The following TNIK variants were observed in gnomAD, a reference collection of about 807,000 sequenced individuals.
TNIK encodes TRAF2 and NCK-interacting protein kinase.
A neutral mutation model predicts 191.3 loss-of-function variants in TNIK; 49 were observed. The ratio of observed to expected loss-of-function variants is 0.26; its 90% confidence interval spans 0.20 to 0.32. TNIK has a LOEUF of 0.32. TNIK is among the 10% of genes least tolerant of loss of function. The pLI, the probability that TNIK is intolerant of heterozygous loss-of-function variation, is 1.00. For missense variants in TNIK, 1,155 were observed against 1,702.3 expected (o/e 0.68, Z 5.66); for synonymous variants, 594 against 600.9 (o/e 0.99, Z 0.17).
intron 1 of TNIK, among the ~76,000 whole-genome samples, chr3:171,376,886 T>C (rs1223257035): frequency 6.6e-6 from 1 of 152,182 alleles, no homozygotes; most frequent in Non-Finnish European, 1.5e-5. Context: ...TGCAAACCTA[T>C]CACAGGACTG....
intron 2 of TNIK, among the ~76,000 whole-genome samples, chr3:171,260,354 A>G (rs1560335182): frequency 6.6e-6 from 1 of 152,192 alleles, no homozygotes; most frequent in Non-Finnish European, 1.5e-5. Flanking sequence ...GACCTTGAAT[A>G]AAGTCTGCCT....
chr3:171,119,913 G>A (rs189206572), intron 18 of TNIK, among the ~76,000 whole-genome samples: 8 of 152,202 alleles, frequency 5.3e-5, no homozygotes, highest in African/African-American at 1.2e-4. Context: ...AAACCTGCAC[G>A]TTGTGCACAT....
intron 2 of TNIK, among the ~76,000 whole-genome samples, chr3:171,333,976 T>G (rs1756690961): frequency 1.3e-5 from 2 of 152,176 alleles, no homozygotes; most frequent in Admixed American, 1.3e-4. Flanking sequence ...AGAGCAAGTC[T>G]TCAAGTACCA....
At chr3:171,306,888 C>T (rs1753509978) in intron 2 of TNIK, among the ~76,000 whole-genome samples, 1 of 152,002 alleles carries the variant, frequency 6.6e-6, no homozygotes, top group South Asian at 2.1e-4. Flanking sequence ...GTTCTGCTGC[C>T]GTGGTGATGG....
intron 12 of TNIK, among the ~76,000 whole-genome samples, chr3:171,142,874 G>A (rs959222953): frequency 1.1e-4 from 16 of 152,126 alleles, no homozygotes; most frequent in African/African-American, 3.4e-4. Context: ...CCAACCATCC[G>A]TCTCTTTCTT....
At chr3:171,423,645 A>G (rs1724120750) in intron 1 of TNIK, among the ~76,000 whole-genome samples, 1 of 152,188 alleles carries the variant, frequency 6.6e-6, no homozygotes, top group African/African-American at 2.4e-5. Context: ...ATACAGACCA[A>G]TGGAACAGAA....
intron 5 of TNIK, among the ~76,000 whole-genome samples, chr3:171,193,652 C>T (rs1284174024): frequency 6.6e-6 from 1 of 152,156 alleles, no homozygotes; most frequent in Admixed American, 6.6e-5. Context: ...TCCATCCACC[C>T]AAAGCATACA....
chr3:171,089,049 G>T (rs991359426), intron 23 of TNIK, among the ~76,000 whole-genome samples: 1 of 152,172 alleles, frequency 6.6e-6, no homozygotes, highest in Non-Finnish European at 1.5e-5. Flanking sequence ...GTGAAAGGAG[G>T]CACTTCTTTT....
intron 2 of TNIK, among the ~76,000 whole-genome samples, chr3:171,312,191 A>G (rs1754114439): frequency 6.6e-6 from 1 of 150,578 alleles, no homozygotes; most frequent in Non-Finnish European, 1.5e-5. Context: ...AAATGAATAT[A>G]TAATAAGTTT....
intron 12 of TNIK, among the ~76,000 whole-genome samples, chr3:171,148,223 G>A (rs1359465928): frequency 6.6e-6 from 1 of 152,230 alleles, no homozygotes; most frequent in Non-Finnish European, 1.5e-5. Flanking sequence ...CCATGGCTAA[G>A]CACTGTCAAG....
At chr3:171,192,161 G>A (rs1199279318) in intron 5 of TNIK, among the ~76,000 whole-genome samples, 1 of 152,226 alleles carries the variant, frequency 6.6e-6, no homozygotes, top group East Asian at 1.9e-4. Flanking sequence ...AAGGGTTTGA[G>A]GCACTGGTTT....
intron 8 of TNIK, among the ~76,000 whole-genome samples, chr3:171,177,121 T>TCC (rs111558337): frequency 1.3e-5 from 2 of 151,632 alleles, no homozygotes; most frequent in African/African-American, 4.9e-5. Context: ...TTTTTTTTTT[T>TCC]CTAATAAAAA....
chr3:171,111,110 A>G (rs1349075859), intron 18 of TNIK, among the ~76,000 whole-genome samples: 2 of 152,236 alleles, frequency 1.3e-5, no homozygotes, highest in Non-Finnish European at 2.9e-5. Context: ...ATCACTAATC[A>G]TCAGGGAAAT....
At chr3:171,281,863 G>GA (rs1476228690) in intron 2 of TNIK, among the ~76,000 whole-genome samples, 2 of 152,132 alleles carry the variant, frequency 1.3e-5, no homozygotes, top group African/African-American at 4.8e-5. Context: ...TGAGCTTCCA[G>GA]AAAAAAAGCC....
At chr3:171,105,409 T>G (rs568252600) in intron 21 of TNIK, among the ~76,000 whole-genome samples, 1 of 152,188 alleles carries the variant, frequency 6.6e-6, no homozygotes. Context: ...CAAAACTGTC[T>G]CCAGATTTTG....
intron 2 of TNIK, among the ~76,000 whole-genome samples, chr3:171,230,397 A>C (rs1577188910): frequency 6.6e-6 from 1 of 152,162 alleles, no homozygotes; most frequent in African/African-American, 2.4e-5. Flanking sequence ...GCAAATACAG[A>C]GGGTCTGTCT....
intron 32 of TNIK, among the ~76,000 whole-genome samples, chr3:171,065,421 A>C (rs1173165450): frequency 2.6e-5 from 4 of 152,206 alleles, no homozygotes. Context: ...TCAACCCATC[A>C]TACTGTTTTT....
intron 3 of TNIK, among the ~76,000 whole-genome samples, chr3:171,224,052 C>G (rs1274263667): frequency 6.6e-6 from 1 of 152,062 alleles, no homozygotes; most frequent in African/African-American, 2.4e-5. Flanking sequence ...GGGACATGGT[C>G]CAAGCTGGAC....
At chr3:171,132,407 A>G (rs1287678091) in intron 15 of TNIK, among the ~76,000 whole-genome samples, 3 of 152,220 alleles carry the variant, frequency 2.0e-5, no homozygotes, top group Non-Finnish European at 2.9e-5. Context: ...GAGAAAAAAA[A>G]TAACTGTGGT....
Sources: allele counts gnomAD v4.1 joint callset (sites outside exome capture counted in the v4.1 genomes callset), GRCh38; gene constraint gnomAD v4.1.1; transcripts MANE v1.5; gene names NCBI Gene and HGNC (gene_info 2026-07-23, HGNC 2026-07-21).